Variants in TBC1D23 observed in about 807,000 individuals in gnomAD.
TBC1D23 encodes the protein HCV non-structural protein 4A-transactivated protein 1.
Under a neutral mutation model 91.4 loss-of-function variants are expected in TBC1D23, and 55 were observed. The observed-to-expected ratio is 0.60, with a 90% CI of 0.48 to 0.75. TBC1D23 has a LOEUF of 0.75. TBC1D23 is among the 30% of genes least tolerant of loss of function. The pLI is 0.00. For synonymous variants in TBC1D23, 289 were observed against 281.0 expected (o/e 1.03, Z -0.28); for missense variants, 725 against 836.1 (o/e 0.87, Z 1.64).
chr3:100,297,457 A>G (rs895910093), intron 8 of TBC1D23, among the ~76,000 whole-genome samples: 2 of 152,156 alleles, frequency 1.3e-5, no homozygotes, highest in African/African-American at 2.4e-5. Flanking sequence ...TACTGAATGA[A>G]AAAGAAGTCT....
At chr3:100,322,448 T>C (rs544129073) in intron 18 of TBC1D23, among the ~76,000 whole-genome samples, 1 of 152,284 alleles carries the variant, frequency 6.6e-6, no homozygotes, top group Admixed American at 6.5e-5. Context: ...TAAGGATTTC[T>C]CAGGAGATTG....
intron 10 of TBC1D23, among the ~76,000 whole-genome samples, chr3:100,300,623 T>G (rs1449015860): frequency 6.7e-6 from 1 of 150,324 alleles, no homozygotes; most frequent in East Asian, 2.0e-4. Context: ...AGCCTCAGCC[T>G]CCCGAGTAAC....
At chr3:100,301,963 G>T in intron 10 of TBC1D23, 104 bp from the exon 11 acceptor site, 7 of 735,548 alleles carry the variant, frequency 9.5e-6, no homozygotes, top group South Asian at 4.0e-5. Context: ...CATTTTCATT[G>T]TGGCTCTTTA....
At chr3:100,281,895 T>G (rs533411910) in intron 3 of TBC1D23, 48 bp downstream of exon 3, 2 of 1,259,158 alleles carry the variant, frequency 1.6e-6, no homozygotes, top group South Asian at 2.7e-5. Flanking sequence ...TGGAAATAAT[T>G]TTTGGGTTGA....
rs1210960754 is a variant in TBC1D23, at chr3:100,316,123, G to C, written c.1623G>C (p.Val541=). Residue 541 remains valine, a synonymous_variant, in exon 16 of 19, where the codon GTG becomes GTC. Transcript: ENST00000394144. ...TERHVSSSDR[V]GKPYRGVKPV... Reference sequence around the variant, plus strand: ...GGCATGTGAGCAGCAGTGACAGAGTGGGCAAGCCTTACCGTGGCGTAAAGC... The same window carrying C: ...GGCATGTGAGCAGCAGTGACAGAGTCGGCAAGCCTTACCGTGGCGTAAAGC... 6.2e-7 allele frequency: 1 copy of C among 1,613,998 alleles called. No individual in the cohort carries two copies. Among genetic ancestry groups the C allele is most frequent in the Admixed American group, 1.7e-5 (1 of 60,016 alleles).
intron 10 of TBC1D23, among the ~76,000 whole-genome samples, chr3:100,301,538 A>G (rs1317787526): frequency 6.6e-6 from 1 of 152,174 alleles, no homozygotes; most frequent in Non-Finnish European, 1.5e-5. Context: ...CCATTAAAAC[A>G]GTTTTTAAAC....
intron 4 of TBC1D23, among the ~76,000 whole-genome samples, chr3:100,285,170 A>G (rs997562457): frequency 6.6e-6 from 1 of 152,228 alleles, no homozygotes; most frequent in Non-Finnish European, 1.5e-5. Context: ...TTTAATGTGT[A>G]CAATTCACTG....
intron 18 of TBC1D23, among the ~76,000 whole-genome samples, chr3:100,323,097 A>C (rs926201164): frequency 1.5e-4 from 23 of 152,184 alleles, no homozygotes; most frequent in Non-Finnish European, 7.3e-5. Flanking sequence ...CCCTCTGTAA[A>C]GTTTGGATAA....
At chr3:100,295,445 A>G in intron 7 of TBC1D23, 97 bp downstream of exon 7, 1 of 917,648 alleles carries the variant, frequency 1.1e-6, no homozygotes, top group Non-Finnish European at 1.6e-6. Flanking sequence ...TTAGTCTAGA[A>G]GAGCTCTGAG....
intron 15 of TBC1D23, among the ~76,000 whole-genome samples, chr3:100,313,160 T>A (rs1211882592): frequency 6.6e-6 from 1 of 152,154 alleles, no homozygotes; most frequent in East Asian, 1.9e-4. Context: ...TAAAGGAAAT[T>A]GCTTGTTTTA....
chr3:100,299,336 G>A lies in TBC1D23; in HGVS notation c.1092+5G>A. On this transcript the variant is annotated splice_donor_5th_base_variant and intron_variant, in intron 10 of 18. Transcript: ENST00000394144. ...TTCCACTTAGATTCAGACCTGGTTA[G>A]TATAAATGCTGATTAATTATTCTTA... 1 of 1,546,126 alleles carries A rather than the reference G, an allele frequency of 6.5e-7. No individual in the cohort carries two copies. Among genetic ancestry groups the A allele is most frequent in the East Asian group, 2.3e-5 (1 of 43,948 alleles).
intron 5 of TBC1D23, among the ~76,000 whole-genome samples, chr3:100,291,796 CTTTTTTT>C (rs576623040): frequency 7.6e-6 from 1 of 131,664 alleles, no homozygotes; most frequent in Non-Finnish European, 1.6e-5. Flanking sequence ...TTTTTTTTTT[CTTTTTTT>C]TTTTTTTTGA....
rs200568569 is a variant in TBC1D23, at chr3:100,316,050, T to C, written c.1599-49T>C. ...TCAAATGATGCTTGGTAAAAATCTT[T>C]GATAACTTCTTAAGTGATTATTTCT... On this transcript the variant is annotated intron_variant, in intron 15 of 18. Coordinates refer to ENST00000394144, the MANE Select transcript of TBC1D23 (RefSeq NM_001199198.3). 9.1e-5 allele frequency: 131 copies of C among 1,434,050 alleles called. 1 individual carries two copies. The East Asian group carries it at 1.9e-3, about 21-fold the overall frequency. 88.8% of individuals were successfully genotyped at this position (1,434,050 alleles called of 1,614,324 possible).
chr3:100,279,872 C>T (rs890711120), intron 2 of TBC1D23, 112 bp downstream of exon 2: 30 of 585,576 alleles, frequency 5.1e-5, no homozygotes, highest in African/African-American at 4.1e-4. Context: ...ATGAGCATGC[C>T]GCATCTAGAT....
chr3:100,267,798 A>G (rs962780532), intron 1 of TBC1D23, among the ~76,000 whole-genome samples: 3 of 152,216 alleles, frequency 2.0e-5, no homozygotes, highest in African/African-American at 7.2e-5. Flanking sequence ...GTACATTTGC[A>G]TAGAGCGTTA....
At chr3:100,304,623 C>T (rs1334060994) in intron 11 of TBC1D23, among the ~76,000 whole-genome samples, 1 of 152,060 alleles carries the variant, frequency 6.6e-6, no homozygotes, top group Admixed American at 6.6e-5. Flanking sequence ...TGTTAATAGC[C>T]TTGAAGTTGT....
chr3:100,314,608 T>TA (rs1705700068), intron 15 of TBC1D23, among the ~76,000 whole-genome samples: 2 of 151,510 alleles, frequency 1.3e-5, no homozygotes, highest in Non-Finnish European at 1.5e-5. Flanking sequence ...TCTGAAAAAA[T>TA]AAAAAAATTA....
Position 100,276,156 on chromosome 3 carries a change from G to A in TBC1D23, c.54-3493G>A, listed in dbSNP as rs527464926. Among the ~76,000 whole-genome samples the A allele has an allele frequency of 2.3e-4, 35 of 151,910 alleles. 1 individual carries two copies. The South Asian group carries it at 7.3e-3, about 32-fold the overall frequency. On this transcript the variant is annotated intron_variant, in intron 1 of 18. Coordinates refer to ENST00000394144, the MANE Select transcript of TBC1D23 (RefSeq NM_001199198.3). ...TTCATGCCCTGTTTGGCGAGAGTGTGTGTATATTTAAACAGTTTTCATAAA... is the reference window on the plus strand; with the variant it reads ...TTCATGCCCTGTTTGGCGAGAGTGTATGTATATTTAAACAGTTTTCATAAA...
At chr3:100,302,571 CT>C (rs1202756920) in intron 11 of TBC1D23, among the ~76,000 whole-genome samples, 2 of 151,964 alleles carry the variant, frequency 1.3e-5, no homozygotes, top group African/African-American at 4.8e-5. Context: ...GTTATTTGAT[CT>C]TTTATTTTTT....
Sources: gnomAD v4.1 joint callset for allele counts (sites outside exome capture counted in the v4.1 genomes callset) on GRCh38, gnomAD v4.1.1 for gene constraint, MANE v1.5 for transcripts, NCBI Gene and HGNC (gene_info 2026-07-23, HGNC 2026-07-21) for gene names.